GAS7: variants seen among roughly 807,000 people sequenced by gnomAD.
The protein encoded by GAS7 is growth arrest-specific protein 7.
Under a neutral mutation model 71.1 loss-of-function variants are expected in GAS7, and 28 were observed. That is an observed-to-expected ratio of 0.39 (90% CI 0.29 to 0.54). GAS7 has a LOEUF of 0.54. Ranked by LOEUF, GAS7 falls within the 20% of genes least tolerant of loss-of-function variation. The pLI is 0.62. For missense variants in GAS7, 436 were observed against 627.8 expected, an observed-to-expected ratio of 0.69 and a Z score of 3.27; for synonymous variants, 258 against 245.8, an observed-to-expected ratio of 1.05 and a Z score of -0.46.
chr17:10,090,533 T>C (rs1207305484), intron 1 of GAS7, among the ~76,000 whole-genome samples: 1 of 142,710 alleles, frequency 7.0e-6, no homozygotes, highest in Admixed American at 7.0e-5. Context: ...ACTGCAAATC[T>C]AAACGGCTCT....
rs930245214 is a variant in GAS7 at position 9,974,409 on chromosome 17, A to G, written c.386-4647T>C. On this transcript the variant is annotated intron_variant, in intron 3 of 13. Transcript: ENST00000432992. This position sits in a 1 kb window ranked among gnomAD's most constrained non-coding sequence, Gnocchi z 4.0. ...CCCAGGGTCAGCCACAAAACAAATG[A>G]GGCGAGAAGTGGGTGCTTCTGGGGC... is the stretch of plus-strand genomic sequence containing the variant. Among the ~76,000 whole-genome samples, 11 of 152,068 alleles carry G rather than the reference A, an allele frequency of 7.2e-5. No individual in the cohort carries two copies. The highest frequency in any genetic ancestry group is 1.5e-4 in the Non-Finnish European group (10 of 68,004).
At chr17:9,958,413 C>T (rs1440225243) in intron 5 of GAS7, among the ~76,000 whole-genome samples, 1 of 152,188 alleles carries the variant, frequency 6.6e-6, no homozygotes, top group African/African-American at 2.4e-5. Flanking sequence ...GGAAATGCAC[C>T]CACTCTTGGT....
intron 1 of GAS7, among the ~76,000 whole-genome samples, chr17:10,131,483 C>G (rs144927347): frequency 6.6e-6 from 1 of 152,110 alleles, no homozygotes; most frequent in African/African-American, 2.4e-5. Flanking sequence ...ATTAGCCAGG[C>G]GTGTGGCACA....
intron 1 of GAS7, among the ~76,000 whole-genome samples, chr17:10,114,945 G>A (rs899228500): frequency 2.0e-5 from 3 of 152,168 alleles, no homozygotes; most frequent in Non-Finnish European, 2.9e-5. Flanking sequence ...CTGCCTCCTC[G>A]CTCTGCCTCT....
chr17:9,943,737 G>A (rs1282268856), intron 6 of GAS7, among the ~76,000 whole-genome samples: 1 of 152,210 alleles, frequency 6.6e-6, no homozygotes. Flanking sequence ...AAGATCACAG[G>A]AGAGAAAAGT....
At chr17:9,966,899 G>C (rs1188639741) in intron 4 of GAS7, among the ~76,000 whole-genome samples, 6 of 152,160 alleles carry the variant, frequency 3.9e-5, no homozygotes, top group Admixed American at 3.9e-4. Flanking sequence ...ACTTAAAAAA[G>C]TAGTAGCTTT....
Position 10,026,167 on chromosome 17 carries a change from A to G in GAS7, c.184-6270T>C. 1 of 985,386 alleles carries G rather than the reference A, an allele frequency of 1.0e-6. No homozygotes were observed. The allele number at this position is 985,386 out of a possible 1,614,324, so 61.0% of individuals were successfully genotyped here. A position where few individuals can be genotyped will look rare whatever the true frequency, so the allele number is the denominator to read the frequency against. On this transcript the variant is annotated intron_variant, in intron 1 of 13. Transcript: ENST00000432992. The surrounding 1 kb of genome is among the most constrained non-coding windows in gnomAD (Gnocchi z 4.5). ...ACTCTTACCTTATCCTAAAGCCGTG[A>G]GCAAACGCTACTCGCTGGTGTTAAT...
chr17:10,076,141 G>T, intron 1 of GAS7, among the ~76,000 whole-genome samples: 1 of 133,808 alleles, frequency 7.5e-6, no homozygotes, highest in Non-Finnish European at 1.6e-5. Flanking sequence ...GGAAAACGAA[G>T]GGGGGGAATG....
Position 9,912,051 on chromosome 17 carries a change from T to C in GAS7, c.*5177A>G. 4.3e-6 allele frequency: 1 copy of C among 232,058 alleles called. No homozygotes were observed. The highest frequency in any genetic ancestry group is 2.2e-5 in the African/African-American group (1 of 45,420). 14.4% of individuals were successfully genotyped at this position (232,058 alleles called of 1,614,324 possible). ...AAGGACTCCATCTTCACGCCTGTCC[T>C]GGCTCCTGGGGAGTAGACTCCAGAA... On this transcript the variant is annotated 3_prime_UTR_variant, in exon 14 of 14. Transcript: ENST00000432992.
At chr17:10,052,495 C>T (rs554866021) in intron 1 of GAS7, among the ~76,000 whole-genome samples, 1 of 152,192 alleles carries the variant, frequency 6.6e-6, no homozygotes, top group Non-Finnish European at 1.5e-5. Flanking sequence ...CCAGCACCCT[C>T]GAGTGAAATG....
At chr17:10,160,936 C>CCA (rs1047217599) in intron 1 of GAS7, among the ~76,000 whole-genome samples, 1 of 93,660 alleles carries the variant, frequency 1.1e-5, no homozygotes, top group African/African-American at 4.2e-5. Flanking sequence ...GAAATTGAAA[C>CCA]CATACACACA....
chr17:9,953,531 G>A (rs1567816278), intron 5 of GAS7, among the ~76,000 whole-genome samples: 2 of 152,192 alleles, frequency 1.3e-5, no homozygotes, highest in African/African-American at 4.8e-5. Flanking sequence ...CCACAGGGGA[G>A]GAAGAACAGC....
chr17:10,007,074 A>G (rs1275393260), intron 2 of GAS7, among the ~76,000 whole-genome samples: 1 of 152,232 alleles, frequency 6.6e-6, no homozygotes, highest in Non-Finnish European at 1.5e-5. Flanking sequence ...TTGTTCTTCA[A>G]CTTAATCATA....
intron 1 of GAS7, among the ~76,000 whole-genome samples, chr17:10,154,843 G>T (rs1410891548): frequency 2.0e-5 from 3 of 151,176 alleles, no homozygotes; most frequent in Non-Finnish European, 4.4e-5. Context: ...ACTGTGTTCA[G>T]GAAAAGTGTG....
chr17:9,991,630 A>G (rs934496934), intron 2 of GAS7, among the ~76,000 whole-genome samples: 2 of 152,110 alleles, frequency 1.3e-5, no homozygotes, highest in African/African-American at 4.8e-5. Flanking sequence ...GGAGCTGTCC[A>G]AGCCTGTCTC....
intron 1 of GAS7, among the ~76,000 whole-genome samples, chr17:10,085,691 CA>C (rs1194345705): frequency 7.9e-4 from 46 of 58,230 alleles, no homozygotes; most frequent in South Asian, 6.4e-3. Context: ...GATTCCGTCT[CA>C]AAAAAAAAAA....
chr17:10,032,124 A>C (rs941606776), intron 1 of GAS7, among the ~76,000 whole-genome samples: 21 of 151,964 alleles, frequency 1.4e-4, no homozygotes, highest in Non-Finnish European at 2.6e-4. Flanking sequence ...AAAAAAAAAA[A>C]AAAAAACCCT....
At chr17:10,042,943 G>A (rs551844501) in intron 1 of GAS7, among the ~76,000 whole-genome samples, 3 of 152,350 alleles carry the variant, frequency 2.0e-5, no homozygotes, top group Non-Finnish European at 2.9e-5. Context: ...GGGGGATGCA[G>A]TAGAGTCTGT....
chr17:10,194,438 C>T (rs1448887711), intron 1 of GAS7, among the ~76,000 whole-genome samples: 3 of 152,208 alleles, frequency 2.0e-5, no homozygotes, highest in African/African-American at 7.2e-5. Flanking sequence ...TGTCCTGGTA[C>T]CATGTCTTTC....
Sources: allele counts gnomAD v4.1 joint callset (sites outside exome capture counted in the v4.1 genomes callset), GRCh38; gene constraint gnomAD v4.1.1; non-coding constraint Gnocchi (gnomAD v3.1); transcripts MANE v1.5; gene names NCBI Gene and HGNC (gene_info 2026-07-23, HGNC 2026-07-21).